PACRG: variants seen among roughly 807,000 people sequenced by gnomAD.
PACRG encodes parkin coregulated gene protein.
A neutral mutation model predicts 29.7 loss-of-function variants in PACRG; 29 were observed. The observed-to-expected ratio is 0.98, with a 90% confidence interval of 0.73 to 1.33. The LOEUF is 1.33. PACRG is among the 40% of genes most tolerant of loss of function. The pLI is 0.00. For synonymous variants in PACRG, 116 were observed against 118.7 expected, an observed-to-expected ratio of 0.98 and a Z score of 0.15; for missense variants, 279 against 316.2, an observed-to-expected ratio of 0.88 and a Z score of 0.89.
chr6:163,040,521 A>G (rs1808595232), intron 2 of PACRG, among the ~76,000 whole-genome samples: 2 of 152,214 alleles, frequency 1.3e-5, no homozygotes, highest in African/African-American at 4.8e-5. Flanking sequence ...TGCCTGGAAA[A>G]GCCACAGCCA....
chr6:163,280,832 A>T (rs1784202097), intron 4 of PACRG, among the ~76,000 whole-genome samples: 1 of 152,170 alleles, frequency 6.6e-6, no homozygotes, highest in Non-Finnish European at 1.5e-5. Flanking sequence ...TCTTCCTTAG[A>T]GGTCCCATCT....
chr6:163,110,877 A>T (rs956194567), intron 4 of PACRG, among the ~76,000 whole-genome samples: 5 of 152,176 alleles, frequency 3.3e-5, no homozygotes, highest in African/African-American at 1.2e-4. Context: ...AGCTTGCATG[A>T]CCACAGGCCA....
chr6:163,152,459 C>T lies in PACRG; in HGVS notation c.613+63051C>T, dbSNP rs115804317. ...GCCCAAGAGATTAAGCTTGGTATCT[C>T]CCTTGACTAATTTAACACATCTAGA... is the stretch of plus-strand genomic sequence containing the variant. On this transcript the variant is annotated intron_variant, in intron 4 of 4. Coordinates refer to ENST00000366888, the MANE Select transcript of PACRG (RefSeq NM_001080379.2). Among the ~76,000 whole-genome samples the T allele has an allele frequency of 5.0e-3, 763 of 152,252 alleles. 6 individuals carry two copies. The highest frequency in any genetic ancestry group is 0.017 in the African/African-American group (725 of 41,552).
At chr6:162,977,042 A>C (rs1295765501) in intron 2 of PACRG, among the ~76,000 whole-genome samples, 2 of 152,082 alleles carry the variant, frequency 1.3e-5, no homozygotes, top group Non-Finnish European at 2.9e-5. Context: ...GACTTGAGTA[A>C]ATGAGAAATA....
intron 4 of PACRG, among the ~76,000 whole-genome samples, chr6:163,181,827 G>A (rs189620226): frequency 9.2e-5 from 14 of 152,182 alleles, no homozygotes; most frequent in Admixed American, 8.5e-4. Flanking sequence ...CAGCCAGCTC[G>A]GAATGGAAGG....
At chr6:163,314,771 C>A in intron 4 of PACRG, 56 bp from the exon 5 acceptor site, 1 of 1,584,960 alleles carries the variant, frequency 6.3e-7, no homozygotes, top group Non-Finnish European at 8.6e-7. Flanking sequence ...CTGTGTAGGA[C>A]TTTTCGGGAA....
At chr6:163,299,746 G>T (rs1235890522) in intron 4 of PACRG, among the ~76,000 whole-genome samples, 1 of 152,194 alleles carries the variant, frequency 6.6e-6, no homozygotes, top group East Asian at 1.9e-4. Flanking sequence ...GGGCATGGGG[G>T]CGCGTGCCTG....
At chr6:162,910,041 C>T (rs570162684) in intron 2 of PACRG, among the ~76,000 whole-genome samples, 1 of 152,326 alleles carries the variant, frequency 6.6e-6, no homozygotes, top group African/African-American at 2.4e-5. Context: ...TGCGTCTTCA[C>T]TTACCAGTTG....
intron 2 of PACRG, among the ~76,000 whole-genome samples, chr6:162,942,614 T>A (rs1310877477): frequency 6.6e-6 from 1 of 152,224 alleles, no homozygotes; most frequent in Admixed American, 6.5e-5. Flanking sequence ...ACGGAAACTC[T>A]TCACATTTTC....
In PACRG at chr6:163,269,847, AAGAAAGAAAG is replaced by A. The variant is rs1273375279; in HGVS notation, c.614-44958_614-44949del. On this transcript the variant is annotated intron_variant, in intron 4 of 4. Coordinates refer to ENST00000366888, the MANE Select transcript of PACRG (RefSeq NM_001080379.2). ...AGAAAGAAAGAAAGAAAAAGAAAGA[AAGAAAGAAAG>A]AGAAAGAAAGAGAAAGAAAGAAAGA... Among the ~76,000 whole-genome samples the A allele has an allele frequency of 1.8e-4, 12 of 65,550 alleles. 2 individuals carry two copies. The highest frequency in any genetic ancestry group is 2.9e-4 in the Admixed American group (2 of 6,784). 43.0% of individuals were successfully genotyped at this position (65,550 alleles called of 152,430 possible). A position where few individuals can be genotyped will look rare whatever the true frequency, so the allele number is the denominator to read the frequency against.
intron 4 of PACRG, among the ~76,000 whole-genome samples, chr6:163,132,566 A>C (rs931951598): frequency 7.2e-5 from 11 of 152,166 alleles, no homozygotes; most frequent in Non-Finnish European, 1.6e-4. Context: ...AGCCCAGTGA[A>C]GCTGTCGGCA....
chr6:162,734,353 A>T (rs1779999458), intron 1 of PACRG, among the ~76,000 whole-genome samples: 2 of 152,040 alleles, frequency 1.3e-5, no homozygotes, highest in African/African-American at 4.8e-5. Flanking sequence ...AGTTTGCTTC[A>T]CCTTAAGTCA....
chr6:162,886,524 C>T (rs1794348618), intron 2 of PACRG, among the ~76,000 whole-genome samples: 1 of 152,230 alleles, frequency 6.6e-6, no homozygotes, highest in African/African-American at 2.4e-5. Flanking sequence ...CATTAACCCC[C>T]TCCAGTGGGA....
At chr6:163,017,467 A>C (rs1806215619) in intron 2 of PACRG, among the ~76,000 whole-genome samples, 1 of 152,168 alleles carries the variant, frequency 6.6e-6, no homozygotes, top group Non-Finnish European at 1.5e-5. Flanking sequence ...GCCTTCTTCA[A>C]TTCATAGTTG....
intron 2 of PACRG, among the ~76,000 whole-genome samples, chr6:162,989,594 C>A (rs1305748809): frequency 6.6e-6 from 1 of 151,790 alleles, no homozygotes; most frequent in South Asian, 2.1e-4. Flanking sequence ...AAATCATAAC[C>A]AAAAAAATGT....
At chr6:162,775,079 G>A (rs1283115780) in intron 1 of PACRG, among the ~76,000 whole-genome samples, 1 of 152,146 alleles carries the variant, frequency 6.6e-6, no homozygotes, top group South Asian at 2.1e-4. Context: ...GAGTATGGAG[G>A]CCTCATGAAT....
chr6:163,073,997 A>G (rs1172535221), intron 3 of PACRG, among the ~76,000 whole-genome samples: 1 of 152,184 alleles, frequency 6.6e-6, no homozygotes, highest in African/African-American at 2.4e-5. Context: ...TACAACCACT[A>G]TGGAGGACAA....
chr6:162,734,840 C>A (rs1387233018), intron 1 of PACRG, among the ~76,000 whole-genome samples: 4 of 152,160 alleles, frequency 2.6e-5, no homozygotes, highest in Non-Finnish European at 5.9e-5. Context: ...CAACCAACAC[C>A]CAAATCCAGA....
intron 2 of PACRG, among the ~76,000 whole-genome samples, chr6:162,935,546 TTGG>T (rs1402261994): frequency 6.6e-6 from 1 of 151,994 alleles, no homozygotes; most frequent in Non-Finnish European, 1.5e-5. Flanking sequence ...AGATTTTTGT[TTGG>T]TTCTTTTATA....
Sources: gnomAD v4.1 joint callset for allele counts (sites outside exome capture counted in the v4.1 genomes callset) on GRCh38, gnomAD v4.1.1 for gene constraint, MANE v1.5 for transcripts, NCBI Gene and HGNC (gene_info 2026-07-23, HGNC 2026-07-21) for gene names.